SYNE2: variants seen among roughly 807,000 people sequenced by gnomAD.
SYNE2 encodes nesprin-2.
In SYNE2, 431 loss-of-function variants were observed where a neutral mutation model predicts 856.3. The ratio of observed to expected loss-of-function variants is 0.50; its 90% confidence interval spans 0.47 to 0.55. The LOEUF (loss-of-function observed/expected upper bound fraction) is 0.55. Among genes scored for constraint, SYNE2 ranks in the 20% least tolerant of loss-of-function variants. SYNE2 has a pLI of 0.00. For synonymous variants in SYNE2, 2,923 were observed against 2,872.3 expected (o/e 1.02, Z -0.56); for missense variants, 8,129 against 8,023.2 (o/e 1.01, Z -0.50).
At chr14:64,010,459 C>T (rs939498740) in intron 32 of SYNE2, among the ~76,000 whole-genome samples, 14 of 151,894 alleles carry the variant, frequency 9.2e-5, no homozygotes, top group African/African-American at 2.7e-4. Flanking sequence ...AGAAGGAAGA[C>T]GGTGGGAAAA....
At chr14:63,930,205 G>A (rs967001115) in intron 2 of SYNE2, among the ~76,000 whole-genome samples, 1 of 151,494 alleles carries the variant, frequency 6.6e-6, no homozygotes, top group South Asian at 2.1e-4. Context: ...AGGATCACTT[G>A]AGCCTCGGAG....
intron 1 of SYNE2, among the ~76,000 whole-genome samples, chr14:63,876,622 G>A (rs1156540226): frequency 6.6e-6 from 1 of 151,762 alleles, no homozygotes; most frequent in Non-Finnish European, 1.5e-5. Flanking sequence ...CGAGTAGCTG[G>A]GACTACAGGC....
In SYNE2 at chr14:63,783,803, G is replaced by C. The variant is rs1887415548; in HGVS notation, c.-305+21817G>C. Among the ~76,000 whole-genome samples, 9 of 152,214 alleles carry C rather than the reference G, an allele frequency of 5.9e-5. 1 individual carries two copies. The South Asian group carries it at 1.9e-3, about 32-fold the overall frequency. The stretch of plus-strand genomic sequence containing the variant: ...AAATGTAAATATGTAATCCTGGCTT[G>C]GATCCTGGACAAGGAAAAAAGAAAT... On this transcript the variant is annotated intron_variant, in intron 1 of 23. Coordinates refer to the SYNE2 transcript ENST00000674003.
Position 64,021,237 on chromosome 14 carries a change from C to G in SYNE2, c.5152-78C>G, listed in dbSNP as rs1308553089. ...ACATTGAAATGAAGTAATCTCAACC[C>G]ATTCTCTAGCAATGCAGTTGTCTTA... On this transcript the variant is annotated intron_variant, in intron 35 of 115. Coordinates refer to ENST00000555002, the MANE Select transcript of SYNE2 (RefSeq NM_182914.3). The G allele has an allele frequency of 2.7e-6, 3 of 1,104,248 alleles. No homozygotes were observed. In the East Asian group the frequency reaches 7.2e-5, roughly 27 times the overall value. The allele number at this position is 1,104,248 out of a possible 1,614,324, so 68.4% of individuals were successfully genotyped here. A position where few individuals can be genotyped will look rare whatever the true frequency, so the allele number is the denominator to read the frequency against.
At chr14:64,139,050 C>T (rs1235072591) in intron 79 of SYNE2, among the ~76,000 whole-genome samples, 2 of 151,520 alleles carry the variant, frequency 1.3e-5, no homozygotes, top group South Asian at 2.1e-4. Context: ...GTGGCGTGAT[C>T]GTGGCTCACT....
chr14:63,779,602 G>A (rs1321254503), intron 1 of SYNE2, among the ~76,000 whole-genome samples: 2 of 151,968 alleles, frequency 1.3e-5, no homozygotes, highest in African/African-American at 4.8e-5. Flanking sequence ...AAATCTTAGC[G>A]AATGCAAATA....
At chr14:63,929,826 G>A (rs992377376) in intron 2 of SYNE2, among the ~76,000 whole-genome samples, 2 of 151,884 alleles carry the variant, frequency 1.3e-5, no homozygotes, top group South Asian at 2.1e-4. Context: ...AAGGCATCAG[G>A]ATGAGCCAGC....
intron 34 of SYNE2, among the ~76,000 whole-genome samples, chr14:64,018,166 T>G (rs1243977161): frequency 1.3e-5 from 2 of 152,134 alleles, no homozygotes; most frequent in African/African-American, 2.4e-5. Context: ...GATGAAGAAT[T>G]CCTAGCAAAA....
chr14:64,184,239 G>A lies in SYNE2; in HGVS notation c.17557-2185G>A, dbSNP rs79718305. On this transcript the variant is annotated intron_variant, in intron 96 of 115. Transcript: ENST00000555002. ...GCAGCAGCACCATGGCAGGTTCTGGGCACTGAATCCGTGAGCAGTGTTGTC... is the reference window on the plus strand; with the variant it reads ...GCAGCAGCACCATGGCAGGTTCTGGACACTGAATCCGTGAGCAGTGTTGTC... Among the ~76,000 whole-genome samples, 767 of 152,192 alleles carry A rather than the reference G, an allele frequency of 5.0e-3. 4 individuals are homozygous for A. The highest frequency in any genetic ancestry group is 0.018 in the African/African-American group (730 of 41,498).
chr14:63,979,035 T>G, intron 14 of SYNE2, 21 bp downstream of exon 14: 1 of 1,612,468 alleles, frequency 6.2e-7, no homozygotes, highest in Middle Eastern at 1.7e-4. Context: ...CAATTTTGTG[T>G]CTTAGGCAAC....
At chr14:63,868,131 C>G (rs945607104) in intron 1 of SYNE2, among the ~76,000 whole-genome samples, 1 of 152,140 alleles carries the variant, frequency 6.6e-6, no homozygotes, top group Non-Finnish European at 1.5e-5. Flanking sequence ...ACTAACAGAA[C>G]TGGTTTAGCA....
At chr14:63,823,685 G>A (rs1889313425) in intron 1 of SYNE2, among the ~76,000 whole-genome samples, 1 of 150,666 alleles carries the variant, frequency 6.6e-6, no homozygotes, top group Admixed American at 6.6e-5. Context: ...TCTCAGGCTA[G>A]AGTGCAATGG....
chr14:64,218,413 C>T lies in SYNE2; in HGVS notation c.19558C>T (p.Pro6520Ser). 4.3e-6 allele frequency: 7 copies of T among 1,614,058 alleles called. No homozygotes were observed. Among genetic ancestry groups the T allele is most frequent in the South Asian group, 1.1e-5 (1 of 91,062 alleles). Residue 6520 changes from proline to serine, a missense_variant, in exon 109 of 116, where the codon CCT (proline) becomes TCT (serine). By Grantham distance (74) the Pro-to-Ser change is moderately conservative (BLOSUM62 -1). Around this residue, in one of 3 missense-constraint regions of SYNE2, gnomAD observed 5,410 missense variants for 5,284.8 expected, o/e 1.02. Coordinates refer to ENST00000555002, the MANE Select transcript of SYNE2 (RefSeq NM_182914.3). The part of the protein sequence containing the change: ...YKPPYGKLLL[P>S]PGTDGGKEGP... Reference sequence around the variant, plus strand: ...CTCATTCTAGGGAAAGCTACTATTACCTCCAGGCACGGATGGTGGCAAAGA... The same window carrying T: ...CTCATTCTAGGGAAAGCTACTATTATCTCCAGGCACGGATGGTGGCAAAGA...
chr14:63,809,942 G>T (rs1888549655), intron 1 of SYNE2, among the ~76,000 whole-genome samples: 1 of 152,178 alleles, frequency 6.6e-6, no homozygotes, highest in African/African-American at 2.4e-5. Flanking sequence ...AGGCAAGAAG[G>T]CCAGGTGTGG....
At chr14:64,010,753 C>T (rs1272655215) in intron 32 of SYNE2, among the ~76,000 whole-genome samples, 1 of 152,152 alleles carries the variant, frequency 6.6e-6, no homozygotes, top group African/African-American at 2.4e-5. Flanking sequence ...ATTCTCCTGC[C>T]TCAGCCTTTC....
intron 1 of SYNE2, among the ~76,000 whole-genome samples, chr14:63,783,252 C>T (rs1595105685): frequency 6.6e-6 from 1 of 152,152 alleles, no homozygotes; most frequent in Admixed American, 6.6e-5. Context: ...CTTTTTGCGG[C>T]CTTGTGAAGA....
chr14:63,953,615 A>G (rs934397313), intron 7 of SYNE2, among the ~76,000 whole-genome samples: 2 of 152,204 alleles, frequency 1.3e-5, no homozygotes, highest in Non-Finnish European at 2.9e-5. Flanking sequence ...AAAATCTGCC[A>G]CTTTGACCAT....
At chr14:63,815,190 A>C (rs1228637676) in intron 1 of SYNE2, among the ~76,000 whole-genome samples, 1 of 62,538 alleles carries the variant, frequency 1.6e-5, no homozygotes, top group Non-Finnish European at 3.0e-5. Flanking sequence ...CCATATATAT[A>C]TCCATATATA....
chr14:64,096,105 C>G (rs2097674754), intron 61 of SYNE2, among the ~76,000 whole-genome samples: 1 of 152,218 alleles, frequency 6.6e-6, no homozygotes, highest in Non-Finnish European at 1.5e-5. Context: ...CCTGGACTTC[C>G]CAGTCTCCAG....
Sources: allele counts gnomAD v4.1 joint callset (sites outside exome capture counted in the v4.1 genomes callset), GRCh38; gene constraint gnomAD v4.1.1; regional missense constraint gnomAD v4.1.1; transcripts MANE v1.5; gene names NCBI Gene and HGNC (gene_info 2026-07-23, HGNC 2026-07-21).